Variants in RIPK1 observed in about 807,000 individuals in gnomAD.
The protein encoded by RIPK1 is receptor interacting serine/threonine kinase 1, also known as receptor-interacting serine/threonine-protein kinase 1.
Under a neutral mutation model 62.4 loss-of-function variants are expected in RIPK1, and 27 were observed. That is an observed-to-expected ratio of 0.43 (90% CI 0.32 to 0.60). The LOEUF is 0.60. Ranked by LOEUF, RIPK1 falls within the 20% of genes least tolerant of loss-of-function variation. The pLI, the probability that RIPK1 is intolerant of heterozygous loss-of-function variation, is 0.07. For synonymous variants in RIPK1, 287 were observed against 303.2 expected (o/e 0.95, Z 0.55); for missense variants, 735 against 831.0 (o/e 0.88, Z 1.42).
rs760568672 is a variant in RIPK1, at chr6:3,080,994, T to C, written c.337T>C (p.Ser113Pro). Residue 113 changes from serine to proline, a missense_variant, in exon 4 of 11, where the codon TCT (serine) becomes CCT (proline). Physicochemically the swap from Ser to Pro is moderately conservative, Grantham distance 74. Transcript: ENST00000259808. ...VLKAEMSTPL[S>P]VKGRIILEII... Reference sequence around the variant, plus strand: ...CTTGTTTTAGATGAGTACTCCGCTTTCTGTAAAAGGAAGGATAATTTTGGA... The same window carrying C: ...CTTGTTTTAGATGAGTACTCCGCTTCCTGTAAAAGGAAGGATAATTTTGGA... 1 of 1,614,056 alleles carries C rather than the reference T, an allele frequency of 6.2e-7. No homozygotes were observed.
chr6:3,079,113 T>G (rs1759244306), intron 3 of RIPK1, among the ~76,000 whole-genome samples: 1 of 151,686 alleles, frequency 6.6e-6, no homozygotes, highest in Admixed American at 6.6e-5. Flanking sequence ...GGAGTCTCGC[T>G]CTGTCGCCCA....
chr6:3,066,976 T>C (rs1462859630), upstream of RIPK1, among the ~76,000 whole-genome samples: 1 of 151,606 alleles, frequency 6.6e-6, no homozygotes, highest in African/African-American at 2.4e-5. Flanking sequence ...TGTCACATAG[T>C]TGGAATCATG....
chr6:3,083,096 C>A lies in RIPK1; in HGVS notation c.471C>A (p.Leu157=). The A allele has an allele frequency of 3.7e-6, 6 of 1,613,974 alleles. No homozygotes were observed. Among genetic ancestry groups the A allele is most frequent in the Non-Finnish European group, 5.1e-6 (6 of 1,179,884 alleles). The change falls in exon 5 of 11, where the codon CTC becomes CTA. Residue 157 remains leucine, a synonymous_variant. Coordinates refer to ENST00000259808, the MANE Select transcript of RIPK1 (RefSeq NM_001354930.2). ...AATGTCTTTCGCAGATCGCAGACCTCGGCCTTGCCTCCTTTAAGATGTGGA... is the reference window on the plus strand; with the variant it reads ...AATGTCTTTCGCAGATCGCAGACCTAGGCCTTGCCTCCTTTAAGATGTGGA... ...DNDFHIKIAD[L]GLASFKMWSK...
Position 3,077,003 on chromosome 6 carries a change from G to A in RIPK1, c.164+16G>A. On this transcript the variant is annotated intron_variant, in intron 2 of 10. Transcript: ENST00000259808. ...ACTGCATTGAGTGAGTAGGGAGCAG[G>A]GGTGGGTGGGCTAAGTTCTGAGCGG... 6.3e-7 allele frequency: 1 copy of A among 1,588,556 alleles called. No individual in the cohort carries two copies. Among genetic ancestry groups the A allele is most frequent in the African/African-American group, 1.3e-5 (1 of 74,152 alleles).
At chr6:3,085,481 C>A in intron 6 of RIPK1, 73 bp downstream of exon 6, 1 of 1,519,122 alleles carries the variant, frequency 6.6e-7, no homozygotes, top group Non-Finnish European at 9.0e-7. Context: ...TTGTTAGGAA[C>A]TTGGTTTGAA....
At chr6:3,079,020 C>T (rs917893706) in intron 3 of RIPK1, among the ~76,000 whole-genome samples, 1 of 152,018 alleles carries the variant, frequency 6.6e-6, no homozygotes, top group Non-Finnish European at 1.5e-5. Flanking sequence ...TTAAATGATC[C>T]TCTCACCTCA....
intron 2 of RIPK1, among the ~76,000 whole-genome samples, chr6:3,077,459 T>G (rs1759130180): frequency 6.6e-6 from 1 of 151,882 alleles, no homozygotes; most frequent in Admixed American, 6.6e-5. Context: ...AGAGGCTGTT[T>G]TTTTTTTTTT....
intron 7 of RIPK1, among the ~76,000 whole-genome samples, chr6:3,102,664 C>A (rs1760641674): frequency 6.6e-6 from 1 of 152,018 alleles, no homozygotes; most frequent in South Asian, 2.1e-4. Context: ...GCAGTGGCAC[C>A]ATCTCGGCTC....
intron 1 of RIPK1, among the ~76,000 whole-genome samples, chr6:3,073,003 C>T (rs1458915040): frequency 6.6e-6 from 1 of 152,040 alleles, no homozygotes; most frequent in Non-Finnish European, 1.5e-5. Flanking sequence ...TCTCAAAGCC[C>T]AAGGAAACAA....
chr6:3,068,653 A>G lies in RIPK1; in HGVS notation c.-69A>G. 1 of 985,026 alleles carries G rather than the reference A, an allele frequency of 1.0e-6. No homozygotes were observed. Among genetic ancestry groups the G allele is most frequent in the Non-Finnish European group, 1.2e-6 (1 of 829,850 alleles). The allele number at this position is 985,026 out of a possible 1,614,324, so 61.0% of individuals were successfully genotyped here. On this transcript the variant is annotated 5_prime_UTR_variant, in exon 1 of 11. Transcript: ENST00000259808. ...TTGGCTGGACGGCGCGGCCACGGAG[A>G]AGGGCGCGGTGAGCGGACTGGCACC...
At position 3,106,057 on chromosome 6, in the gene RIPK1, T is replaced by C; in HGVS notation, c.1576+6T>C. On this transcript the variant is annotated splice_donor_region_variant and intron_variant, in intron 9 of 10. Transcript: ENST00000259808. ...CAGCTCCTTGCCACCAACAGGTAAATGGGTCTTCGATAGTCACAAGCTTGT... is the reference window on the plus strand; with the variant it reads ...CAGCTCCTTGCCACCAACAGGTAAACGGGTCTTCGATAGTCACAAGCTTGT... 1 of 1,581,982 alleles carries C rather than the reference T, an allele frequency of 6.3e-7. No individual in the cohort carries two copies. Among genetic ancestry groups the C allele is most frequent in the Non-Finnish European group, 8.7e-7 (1 of 1,155,970 alleles).
At chr6:3,090,450 A>T (rs945112341) in intron 7 of RIPK1, among the ~76,000 whole-genome samples, 6 of 152,198 alleles carry the variant, frequency 3.9e-5, no homozygotes, top group Non-Finnish European at 8.8e-5. Context: ...ACTCTAAGGC[A>T]AAAAATCATT....
chr6:3,084,201 T>C (rs1223734128), intron 5 of RIPK1, among the ~76,000 whole-genome samples: 1 of 152,164 alleles, frequency 6.6e-6, no homozygotes, highest in Non-Finnish European at 1.5e-5. Flanking sequence ...CCGTCCACCA[T>C]TCATGTGGCA....
chr6:3,067,504 T>C (rs1348063128), upstream of RIPK1, among the ~76,000 whole-genome samples: 1 of 152,230 alleles, frequency 6.6e-6, no homozygotes, highest in Non-Finnish European at 1.5e-5. Context: ...TGAGCATCTT[T>C]TCATATGCAT....
At chr6:3,085,559 T>C (rs1759644104) in intron 6 of RIPK1, 151 bp downstream of exon 6, 1 of 810,446 alleles carries the variant, frequency 1.2e-6, no homozygotes, top group Non-Finnish European at 1.9e-6. Context: ...AAACATGTTA[T>C]TCAGTGCAAA....
intron 10 of RIPK1, among the ~76,000 whole-genome samples, chr6:3,111,884 A>G (rs890031467): frequency 9.8e-5 from 15 of 152,338 alleles, no homozygotes; most frequent in African/African-American, 3.1e-4. Context: ...ACTGCTGACA[A>G]TCTATAAGAT....
chr6:3,095,662 A>G (rs9503397), intron 7 of RIPK1, among the ~76,000 whole-genome samples: 3,543 of 152,318 alleles, frequency 0.023, 133 homozygotes, highest in African/African-American at 0.081. Context: ...AATTTATTAC[A>G]TTGTCTTCTT....
At chr6:3,085,436 G>C (rs764212836) in intron 6 of RIPK1, 28 bp downstream of exon 6, 1 of 1,611,092 alleles carries the variant, frequency 6.2e-7, no homozygotes, top group South Asian at 1.1e-5. Context: ...GACTGTGTAG[G>C]ATGCATCCTG....
chr6:3,104,101 T>C, intron 7 of RIPK1, 124 bp from the exon 8 acceptor site: 1 of 564,108 alleles, frequency 1.8e-6, no homozygotes, highest in South Asian at 2.4e-5. Flanking sequence ...TTTTAAAAAA[T>C]TACTACTTGT....
Sources: gnomAD v4.1 joint callset for allele counts (sites outside exome capture counted in the v4.1 genomes callset) on GRCh38, gnomAD v4.1.1 for gene constraint, MANE v1.5 for transcripts, NCBI Gene and HGNC (gene_info 2026-07-23, HGNC 2026-07-21) for gene names.